RXFP1: variants seen among roughly 807,000 people sequenced by gnomAD.
The protein encoded by RXFP1 is relaxin family peptide receptor 1, also known as relaxin receptor 1.
Under a neutral mutation model 89.8 loss-of-function variants are expected in RXFP1, and 73 were observed. The observed-to-expected ratio is 0.81, with a 90% CI of 0.67 to 0.99. The LOEUF (loss-of-function observed/expected upper bound fraction) is 0.99, where lower values mean the gene tolerates loss of function less well. Among genes scored for constraint, RXFP1 ranks in the 50% least tolerant of loss-of-function variants. RXFP1 has a pLI of 0.00. For missense variants in RXFP1, 793 were observed against 895.5 expected (o/e 0.89, Z 1.46); for synonymous variants, 277 against 305.5 (o/e 0.91, Z 0.97).
chr4:158,604,385 C>T (rs1267945423), intron 4 of RXFP1, among the ~76,000 whole-genome samples: 1 of 152,146 alleles, frequency 6.6e-6, no homozygotes, highest in Non-Finnish European at 1.5e-5. Context: ...CCCAGCTACA[C>T]TGGTTTTGGT....
At position 158,608,032 on chromosome 4, in the gene RXFP1, C is replaced by T; in HGVS notation, c.525C>T (p.Ser175=). The part of the protein sequence containing the change: ...ISIYAFRGLN[S]LTKLYLSHNR... ...TCTATGCTTTCAGAGGACTGAATAG[C>T]CTTACTAAACTGTAAGTACCAGTGT... The change falls in exon 6 of 18, where the codon AGC becomes AGT. Residue 175 remains serine, a synonymous_variant. Transcript: ENST00000307765. The T allele has an allele frequency of 6.3e-7, 1 of 1,597,982 alleles. No homozygotes were observed. The highest frequency in any genetic ancestry group is 8.6e-7 in the Non-Finnish European group (1 of 1,166,694).
At position 158,558,468 on chromosome 4, in the gene RXFP1, A is replaced by AT. The variant is rs1271623342; in HGVS notation, c.50-14229dup. On this transcript the variant is annotated intron_variant, in intron 1 of 17. Coordinates refer to ENST00000307765, the MANE Select transcript of RXFP1 (RefSeq NM_021634.4). ...TAGAGTAGGGCACATGTGGTTTGGC[A>AT]TAGCATATTCAATATTTTAATATAA... 3.3e-5 allele frequency among the ~76,000 whole-genome samples: 5 copies of AT among 152,240 alleles called. No homozygotes were observed. The East Asian group carries it at 7.7e-4, about 23-fold the overall frequency.
chr4:158,644,597 TACGA>T (rs374137479), intron 14 of RXFP1, among the ~76,000 whole-genome samples: 56 of 152,248 alleles, frequency 3.7e-4, no homozygotes, highest in Middle Eastern at 3.4e-3. Flanking sequence ...CCATTGCGAG[TACGA>T]TAACGGTTTC....
intron 2 of RXFP1, among the ~76,000 whole-genome samples, chr4:158,578,180 G>C (rs115174393): frequency 0.012 from 1,856 of 152,216 alleles, 20 homozygotes; most frequent in Non-Finnish European, 0.02. Context: ...GAAATGTATA[G>C]ATGTTTCCTG....
At chr4:158,631,075 A>C (rs1767932697) in intron 11 of RXFP1, among the ~76,000 whole-genome samples, 1 of 152,220 alleles carries the variant, frequency 6.6e-6, no homozygotes, top group South Asian at 2.1e-4. Context: ...TTAAGCTGAG[A>C]AAATGGCCCT....
intron 1 of RXFP1, among the ~76,000 whole-genome samples, chr4:158,523,460 T>TTTTG (rs1179174531): frequency 2.6e-5 from 4 of 152,204 alleles, no homozygotes; most frequent in Non-Finnish European, 5.9e-5. Flanking sequence ...ACCTGTACCC[T>TTTTG]TTTGTTAATA....
intron 9 of RXFP1, among the ~76,000 whole-genome samples, chr4:158,617,426 A>AAAATAT (rs975508767): frequency 4.7e-5 from 7 of 149,246 alleles, no homozygotes; most frequent in African/African-American, 1.7e-4. Context: ...TCTCAAAAAA[A>AAAATAT]ATATATATAT....
intron 1 of RXFP1, among the ~76,000 whole-genome samples, chr4:158,566,111 A>G (rs1753487719): frequency 6.6e-6 from 1 of 152,246 alleles, no homozygotes; most frequent in Non-Finnish European, 1.5e-5. Context: ...TACAAAGGAC[A>G]TTTTGCAGGG....
intron 1 of RXFP1, among the ~76,000 whole-genome samples, chr4:158,528,328 ACC>A (rs1322728426): frequency 6.6e-6 from 1 of 151,850 alleles, no homozygotes; most frequent in South Asian, 2.1e-4. Context: ...ACATGGCGCG[ACC>A]CCCCATCTCT....
intron 1 of RXFP1, 150 bp downstream of exon 1, chr4:158,522,175 A>G (rs1329924855): frequency 3.4e-6 from 2 of 580,838 alleles, no homozygotes; most frequent in Non-Finnish European, 6.0e-6. Flanking sequence ...TCTTCTTAGT[A>G]TATGTCTGGT....
chr4:158,584,063 A>G (rs1008433249), intron 2 of RXFP1, among the ~76,000 whole-genome samples: 2 of 152,128 alleles, frequency 1.3e-5, no homozygotes, highest in Non-Finnish European at 2.9e-5. Context: ...ACCTCATTTT[A>G]CTTTATGAGC....
chr4:158,607,072 C>A (rs746435796), intron 5 of RXFP1: 114 of 1,535,760 alleles, frequency 7.4e-5, no homozygotes, highest in Admixed American at 3.5e-4. Flanking sequence ...CAATGGTGAC[C>A]TGCACTCAGA....
intron 3 of RXFP1, 155 bp from the exon 4 acceptor site, chr4:158,599,171 C>G (rs955104549): frequency 8.4e-7 from 1 of 1,193,538 alleles, no homozygotes; most frequent in African/African-American, 1.5e-5. Flanking sequence ...AACTTTGGAG[C>G]CTTAATTTAA....
chr4:158,623,304 GC>G (rs1368235388), intron 9 of RXFP1, among the ~76,000 whole-genome samples: 1 of 148,044 alleles, frequency 6.8e-6, no homozygotes, highest in Non-Finnish European at 1.5e-5. Context: ...TTTGAGACTA[GC>G]CTGACTAACA....
intron 2 of RXFP1, among the ~76,000 whole-genome samples, chr4:158,587,426 T>C (rs772097723): frequency 6.6e-6 from 1 of 152,238 alleles, no homozygotes; most frequent in Non-Finnish European, 1.5e-5. Flanking sequence ...ATAATGTGAA[T>C]TTAAATTCCA....
intron 4 of RXFP1, among the ~76,000 whole-genome samples, chr4:158,601,385 A>T (rs1404893682): frequency 6.6e-6 from 1 of 152,136 alleles, no homozygotes; most frequent in Non-Finnish European, 1.5e-5. Context: ...CTGATGTTAG[A>T]TGTTTTTTCC....
chr4:158,651,920 T>C lies in RXFP1; in HGVS notation c.2139T>C (p.Tyr713=), dbSNP rs1434054018. ...KSMDSKGQKT[Y]APSFIWVEMW... The stretch of plus-strand genomic sequence containing the variant: ...TGGACAGCAAAGGTCAGAAAACATA[T>C]GCTCCATCATTCATCTGGGTGGAAA... The change falls in exon 18 of 18, where the codon TAT becomes TAC. Residue 713 remains tyrosine, a synonymous_variant. Transcript: ENST00000307765. The C allele has an allele frequency of 5.0e-6, 8 of 1,614,180 alleles. No homozygotes were observed. Among genetic ancestry groups the C allele is most frequent in the Middle Eastern group, 1.6e-4 (1 of 6,062 alleles).
intron 1 of RXFP1, among the ~76,000 whole-genome samples, chr4:158,562,626 C>T (rs761958127): frequency 4.1e-5 from 6 of 146,182 alleles, no homozygotes; most frequent in Admixed American, 2.8e-4. Flanking sequence ...GCTGAGGTTA[C>T]TTTTGAGCCA....
chr4:158,574,151 G>T (rs185588041), intron 2 of RXFP1, among the ~76,000 whole-genome samples: 1 of 151,986 alleles, frequency 6.6e-6, no homozygotes, highest in Admixed American at 6.5e-5. Flanking sequence ...AATAAACTTC[G>T]GTTAATAATG....
Sources: gnomAD v4.1 joint callset for allele counts (sites outside exome capture counted in the v4.1 genomes callset) on GRCh38, gnomAD v4.1.1 for gene constraint, MANE v1.5 for transcripts, NCBI Gene and HGNC (gene_info 2026-07-23, HGNC 2026-07-21) for gene names.